The following DACH2 variants were observed in gnomAD, a reference collection of about 807,000 sequenced individuals.
DACH2 encodes dachshund homolog 2.
Under a neutral mutation model 35.8 loss-of-function variants are expected in DACH2, and 17 were observed. The ratio of observed to expected loss-of-function variants is 0.48; its 90% CI spans 0.33 to 0.71. The LOEUF (loss-of-function observed/expected upper bound fraction) is 0.71. Among genes scored for constraint, DACH2 ranks in the 30% least tolerant of loss-of-function variants. The pLI, the probability that DACH2 is intolerant of heterozygous loss-of-function variation, is 0.02. For missense variants in DACH2, 469 were observed against 472.7 expected (o/e 0.99, Z 0.07); for synonymous variants, 195 against 177.3 (o/e 1.10, Z -0.79).
At chrX:86,197,905 A>G (rs2032036740) in intron 1 of DACH2, among the ~76,000 whole-genome samples, 1 of 112,040 alleles carries the variant, frequency 8.9e-6, no homozygotes, top group Non-Finnish European at 1.9e-5. Context: ...GCTCTGAATC[A>G]AGTGGATCTG....
At chrX:86,527,327 A>G (rs1420293311) in intron 3 of DACH2, among the ~76,000 whole-genome samples, 1 of 111,872 alleles carries the variant, frequency 8.9e-6, no homozygotes, top group East Asian at 2.8e-4. Context: ...TCATTTTCTC[A>G]ACCTTTCTAT....
At chrX:86,214,683 A>G (rs923312635) in intron 1 of DACH2, among the ~76,000 whole-genome samples, 1 of 111,937 alleles carries the variant, frequency 8.9e-6, no homozygotes, top group Non-Finnish European at 1.9e-5. Flanking sequence ...CATTAGTTCT[A>G]GACACCCTTT....
chrX:86,180,512 T>C (rs886569691), intron 1 of DACH2, among the ~76,000 whole-genome samples: 2 of 110,159 alleles, frequency 1.8e-5, no homozygotes, highest in African/African-American at 6.6e-5. Context: ...CAAAAATTTG[T>C]GGATTGGAAC....
chrX:86,530,407 G>A (rs989438780), intron 3 of DACH2, among the ~76,000 whole-genome samples: 1 of 111,524 alleles, frequency 9.0e-6, no homozygotes, highest in Non-Finnish European at 1.9e-5. Flanking sequence ...ATTGGATCAT[G>A]GAATAGATTT....
chrX:86,492,775 G>C, intron 2 of DACH2, among the ~76,000 whole-genome samples: 1 of 111,699 alleles, frequency 9.0e-6, no homozygotes, highest in Non-Finnish European at 1.9e-5. Flanking sequence ...TGCTGCAAAG[G>C]ACATTATTTC....
In DACH2 at chrX:86,619,249, C is replaced by A. The variant is rs1455033901; in HGVS notation, c.641-31787C>A. ...ACAAAATAACTCTATGTAAAAATTA[C>A]CTTTGAAAAAGCCATGTCTACTGTA... On this transcript the variant is annotated intron_variant, in intron 3 of 11. Transcript: ENST00000373125. Among the ~76,000 whole-genome samples the A allele has an allele frequency of 1.2e-4, 13 of 111,583 alleles. No homozygotes were observed. The Admixed American group carries it at 1.2e-3, about 11-fold the overall frequency.
chrX:86,757,827 G>A (rs778094388), intron 7 of DACH2, among the ~76,000 whole-genome samples: 104 of 112,084 alleles, frequency 9.3e-4, no homozygotes, highest in African/African-American at 3.0e-3. Context: ...TTCCTGTACA[G>A]CCTGCAGAAC....
chrX:86,492,638 G>T (rs1372609580), intron 2 of DACH2, among the ~76,000 whole-genome samples: 4 of 111,050 alleles, frequency 3.6e-5, no homozygotes, highest in African/African-American at 9.8e-5. Flanking sequence ...AGTGTCTATT[G>T]TTGCCATCTT....
chrX:86,245,619 A>G (rs1178302233), intron 1 of DACH2, among the ~76,000 whole-genome samples: 8 of 111,980 alleles, frequency 7.1e-5, no homozygotes, highest in Non-Finnish European at 1.5e-4. Flanking sequence ...TGACTGAATC[A>G]AAGTTATACT....
chrX:86,430,481 A>T (rs2036967843), intron 2 of DACH2, among the ~76,000 whole-genome samples: 1 of 112,766 alleles, frequency 8.9e-6, no homozygotes, highest in Non-Finnish European at 1.9e-5. Context: ...AAAATTTAAA[A>T]TTAGATGTGT....
At chrX:86,749,890 T>C (rs2041753541) in intron 7 of DACH2, among the ~76,000 whole-genome samples, 1 of 111,700 alleles carries the variant, frequency 9.0e-6, no homozygotes, top group Admixed American at 9.5e-5. Flanking sequence ...CACTGCTGTG[T>C]ATAGAAATAT....
At chrX:86,713,390 C>A (rs1244105358) in intron 5 of DACH2, among the ~76,000 whole-genome samples, 5 of 111,025 alleles carry the variant, frequency 4.5e-5, no homozygotes, top group Non-Finnish European at 9.5e-5. Context: ...CACTGATGTT[C>A]TTTTTCTGTT....
rs190025268 is a variant in DACH2 at position 86,756,985 on chromosome X, A to G, written c.1240+17103A>G. Among the ~76,000 whole-genome samples the G allele has an allele frequency of 6.3e-5, 7 of 111,369 alleles. No individual in the cohort carries two copies. The East Asian group carries it at 1.7e-3, about 27-fold the overall frequency. ...AAATATTTTTTCTGCTATTGAGATG[A>G]TCATATTTTTTATCCTCATTCTGTT... On this transcript the variant is annotated intron_variant, in intron 7 of 11. Coordinates refer to ENST00000373125, the MANE Select transcript of DACH2 (RefSeq NM_053281.3).
intron 2 of DACH2, among the ~76,000 whole-genome samples, chrX:86,423,974 G>T (rs1036879533): frequency 9.0e-6 from 1 of 110,884 alleles, no homozygotes; most frequent in Non-Finnish European, 1.9e-5. Context: ...TGGCATCTTT[G>T]TCAAAAATGA....
At chrX:86,769,218 A>T (rs1672331524) in intron 7 of DACH2, among the ~76,000 whole-genome samples, 1 of 111,905 alleles carries the variant, frequency 8.9e-6, no homozygotes, top group African/African-American at 3.2e-5. Flanking sequence ...ATATCTAGGA[A>T]TACGTTAACC....
intron 7 of DACH2, among the ~76,000 whole-genome samples, chrX:86,771,918 C>T (rs2147296193): frequency 9.0e-6 from 1 of 111,606 alleles, no homozygotes; most frequent in South Asian, 3.7e-4. Flanking sequence ...TGTTCTTTTT[C>T]AGAAGATAAC....
intron 1 of DACH2, among the ~76,000 whole-genome samples, chrX:86,330,621 T>A (rs2148048369): frequency 8.9e-6 from 1 of 111,955 alleles, no homozygotes; most frequent in African/African-American, 3.2e-5. Flanking sequence ...CTAAGTAATT[T>A]TAAAATACTT....
chrX:86,418,965 G>A (rs1008072043), intron 2 of DACH2, among the ~76,000 whole-genome samples: 1 of 111,551 alleles, frequency 9.0e-6, no homozygotes, highest in Non-Finnish European at 1.9e-5. Flanking sequence ...CAAGTCTCTA[G>A]GGCAGGGCCC....
chrX:86,463,567 A>C (rs984055299), intron 2 of DACH2, among the ~76,000 whole-genome samples: 4 of 111,344 alleles, frequency 3.6e-5, no homozygotes, highest in Middle Eastern at 9.3e-3. Flanking sequence ...CAAATCATAA[A>C]AACCCTAGAA....
Sources: allele counts gnomAD v4.1 joint callset (sites outside exome capture counted in the v4.1 genomes callset), GRCh38; gene constraint gnomAD v4.1.1; transcripts MANE v1.5; gene names NCBI Gene and HGNC (gene_info 2026-07-23, HGNC 2026-07-21).